BSPH1: variants seen among roughly 807,000 people sequenced by gnomAD.
BSPH1 encodes binder of sperm 1.
In BSPH1, 21 loss-of-function variants were observed where a neutral mutation model predicts 22.5. The ratio of observed to expected loss-of-function variants is 0.93; its 90% confidence interval spans 0.66 to 1.35. The LOEUF (loss-of-function observed/expected upper bound fraction) is 1.35. BSPH1 is among the 40% of genes most tolerant of loss of function. BSPH1 has a pLI of 0.00. For missense variants in BSPH1, 141 were observed against 154.2 expected, an observed-to-expected ratio of 0.91 and a Z score of 0.45; for synonymous variants, 42 against 53.6, an observed-to-expected ratio of 0.78 and a Z score of 0.95.
chr19:47,976,529 G>A (rs371637015), intron 5 of BSPH1, among the ~76,000 whole-genome samples, 181 bp downstream of exon 5: 1 of 123,150 alleles, frequency 8.1e-6, no homozygotes, highest in Non-Finnish European at 1.7e-5. Flanking sequence ...CCATAATCCT[G>A]AATCGAAAAC....
chr19:47,967,707 C>T (rs185313658), downstream of BSPH1, among the ~76,000 whole-genome samples: 1 of 152,302 alleles, frequency 6.6e-6, no homozygotes, highest in Admixed American at 6.5e-5. Flanking sequence ...CACCCTTTCT[C>T]CAAAAACAGT....
At chr19:47,990,836 T>C (rs1339955827) in intron 1 of BSPH1, among the ~76,000 whole-genome samples, 1 of 152,188 alleles carries the variant, frequency 6.6e-6, no homozygotes, top group Non-Finnish European at 1.5e-5. Context: ...TAAAATCGAC[T>C]TTATGAAAAT....
At chr19:47,989,546 A>T (rs1969503631) in intron 1 of BSPH1, among the ~76,000 whole-genome samples, 1 of 148,986 alleles carries the variant, frequency 6.7e-6, no homozygotes, top group Non-Finnish European at 1.5e-5. Flanking sequence ...AAGAACTGGG[A>T]CTCCCTTCAC....
At chr19:47,984,422 C>A (rs1224448907) in intron 1 of BSPH1, among the ~76,000 whole-genome samples, 3 of 151,778 alleles carry the variant, frequency 2.0e-5, no homozygotes, top group African/African-American at 7.3e-5. Flanking sequence ...CATCCCAATT[C>A]TTTTCATTCT....
At position 47,992,158 on chromosome 19, in the gene BSPH1, C is replaced by G; in HGVS notation, c.-77G>C. On this transcript the variant is annotated 5_prime_UTR_variant, in exon 1 of 6. Coordinates refer to ENST00000344839, the MANE Select transcript of BSPH1 (RefSeq NM_001128326.2). ...AGGGCTCAAGAATCCCCTGGAGAGG[C>G]CCAGGGAGGCTTCTTGGAAAAGCAG... The G allele has an allele frequency of 2.6e-6, 3 of 1,155,322 alleles. No homozygotes were observed. Among genetic ancestry groups the G allele is most frequent in the South Asian group, 1.4e-5 (1 of 72,640 alleles). 71.6% of individuals were successfully genotyped at this position (1,155,322 alleles called of 1,614,324 possible).
At chr19:47,975,177 C>T (rs1411044992) in intron 5 of BSPH1, among the ~76,000 whole-genome samples, 1 of 152,122 alleles carries the variant, frequency 6.6e-6, no homozygotes, top group East Asian at 1.9e-4. Context: ...TTCCTCTCTA[C>T]TATTCTTTGT....
intron 1 of BSPH1, among the ~76,000 whole-genome samples, chr19:47,982,651 A>G (rs1969429542): frequency 6.6e-6 from 1 of 152,238 alleles, no homozygotes; most frequent in Non-Finnish European, 1.5e-5. Flanking sequence ...AATATTTGTA[A>G]ACCCATGTTC....
intron 5 of BSPH1, among the ~76,000 whole-genome samples, chr19:47,974,063 C>T (rs1397171669): frequency 6.6e-6 from 1 of 152,076 alleles, no homozygotes; most frequent in African/African-American, 2.4e-5. Flanking sequence ...AACTCATGTT[C>T]CCCAGCCATG....
At chr19:47,988,322 C>T (rs1038500807) in intron 1 of BSPH1, among the ~76,000 whole-genome samples, 2 of 152,188 alleles carry the variant, frequency 1.3e-5, no homozygotes, top group Non-Finnish European at 2.9e-5. Context: ...GTCACGCATG[C>T]TAACCCATTT....
At chr19:47,987,927 C>T (rs941517786) in intron 1 of BSPH1, among the ~76,000 whole-genome samples, 8 of 151,922 alleles carry the variant, frequency 5.3e-5, no homozygotes, top group South Asian at 2.1e-4. Context: ...TCCCGGGAGG[C>T]GGAGGTTGCA....
chr19:47,978,186 C>T (rs986322097), intron 3 of BSPH1, among the ~76,000 whole-genome samples: 4 of 151,814 alleles, frequency 2.6e-5, no homozygotes, highest in Non-Finnish European at 2.9e-5. Context: ...TTCACTGCAG[C>T]CTTATCCTCC....
At chr19:47,977,585 TG>T in intron 3 of BSPH1, 81 bp from the exon 4 acceptor site, 1 of 1,510,536 alleles carries the variant, frequency 6.6e-7, no homozygotes, top group Non-Finnish European at 8.9e-7. Context: ...TAGGCGCTGT[TG>T]CCCTTTGAAA....
intron 1 of BSPH1, among the ~76,000 whole-genome samples, chr19:47,981,598 G>T (rs888400347): frequency 1.3e-5 from 2 of 152,200 alleles, no homozygotes; most frequent in Non-Finnish European, 2.9e-5. Context: ...CCCCGGAGGG[G>T]TTGGTTCAGT....
At chr19:47,978,042 A>G in intron 3 of BSPH1, among the ~76,000 whole-genome samples, 1 of 139,112 alleles carries the variant, frequency 7.2e-6, no homozygotes. Flanking sequence ...TTATAGGTGC[A>G]TACACACATA....
intron 4 of BSPH1, 94 bp from the exon 5 acceptor site, chr19:47,976,948 C>T: frequency 8.2e-7 from 1 of 1,212,264 alleles, no homozygotes; most frequent in Admixed American, 2.3e-5. Flanking sequence ...CACATATGCA[C>T]ACATGTGCAT....
At chr19:47,985,470 T>C (rs1307108269) in intron 1 of BSPH1, among the ~76,000 whole-genome samples, 1 of 152,200 alleles carries the variant, frequency 6.6e-6, no homozygotes, top group African/African-American at 2.4e-5. Flanking sequence ...GGGAATTTGC[T>C]ACCAGAAAAC....
At chr19:47,988,400 G>A (rs1039834400) in intron 1 of BSPH1, among the ~76,000 whole-genome samples, 2 of 152,176 alleles carry the variant, frequency 1.3e-5, no homozygotes, top group African/African-American at 4.8e-5. Context: ...GGAACTCACA[G>A]ACATCCAGGA....
intron 1 of BSPH1, among the ~76,000 whole-genome samples, chr19:47,982,970 G>A (rs1969433186): frequency 6.6e-6 from 1 of 152,160 alleles, no homozygotes; most frequent in African/African-American, 2.4e-5. Flanking sequence ...GGAATGGGGA[G>A]TTATTATTTA....
At chr19:47,988,261 G>A (rs1433715108) in intron 1 of BSPH1, among the ~76,000 whole-genome samples, 2 of 152,120 alleles carry the variant, frequency 1.3e-5, no homozygotes, top group Admixed American at 6.5e-5. Context: ...AGTACTTTTG[G>A]TACTATAATA....
Sources: allele counts gnomAD v4.1 joint callset (sites outside exome capture counted in the v4.1 genomes callset), GRCh38; gene constraint gnomAD v4.1.1; transcripts MANE v1.5; gene names NCBI Gene and HGNC (gene_info 2026-07-23, HGNC 2026-07-21).